TSPAN12: variants seen among roughly 807,000 people sequenced by gnomAD.
TSPAN12 encodes the protein tetraspanin 12, also known as tetraspanin-12.
A neutral mutation model predicts 39.2 loss-of-function variants in TSPAN12; 19 were observed. The observed-to-expected ratio is 0.49, with a 90% CI of 0.34 to 0.71. TSPAN12 has a LOEUF of 0.71. TSPAN12 is among the 30% of genes least tolerant of loss of function. TSPAN12 has a pLI of 0.01. For synonymous variants in TSPAN12, 119 were observed against 124.8 expected, an observed-to-expected ratio of 0.95 and a Z score of 0.31; for missense variants, 314 against 359.9, an observed-to-expected ratio of 0.87 and a Z score of 1.03.
intron 3 of TSPAN12, 32 bp downstream of exon 3, chr7:120,839,995 G>T: frequency 6.5e-7 from 1 of 1,549,034 alleles, no homozygotes; most frequent in Non-Finnish European, 8.9e-7. Context: ...AAATCAGCAA[G>T]AAAGAATTCA....
chr7:120,788,280 G>A lies in TSPAN12; in HGVS notation c.*312C>T, dbSNP rs988688739. On this transcript the variant is annotated 3_prime_UTR_variant, in exon 8 of 8. Transcript: ENST00000222747. ...CAGTCCCACCATATGTGACTCGTTT[G>A]CATGGATGCGGAAATGCTAATCAAA... 2 of 382,964 alleles carry A rather than the reference G, an allele frequency of 5.2e-6. No individual in the cohort carries two copies. The highest frequency in any genetic ancestry group is 4.9e-6 in the Non-Finnish European group (1 of 205,630). 23.7% of individuals were successfully genotyped at this position (382,964 alleles called of 1,614,324 possible).
intron 4 of TSPAN12, among the ~76,000 whole-genome samples, chr7:120,819,570 C>T (rs1794150151): frequency 6.6e-6 from 1 of 152,116 alleles, no homozygotes; most frequent in Non-Finnish European, 1.5e-5. Context: ...GTTTCACCAA[C>T]ATTATAACAC....
intron 7 of TSPAN12, among the ~76,000 whole-genome samples, chr7:120,799,428 TATTTATATATAATTTA>T (rs996646439): frequency 7.2e-6 from 1 of 139,286 alleles, no homozygotes; most frequent in African/African-American, 2.6e-5. Flanking sequence ...ATATTTAATT[TATTTATATATAATTTA>T]ATTTATATAT....
intron 2 of TSPAN12, 71 bp downstream of exon 2, chr7:120,856,627 C>T: frequency 2.7e-6 from 4 of 1,463,968 alleles, no homozygotes; most frequent in Non-Finnish European, 3.8e-6. Flanking sequence ...TGCCCTTTGG[C>T]GCATTATCCG....
At chr7:120,836,404 A>C (rs541295925) in intron 4 of TSPAN12, among the ~76,000 whole-genome samples, 19 of 152,342 alleles carry the variant, frequency 1.2e-4, no homozygotes, top group Non-Finnish European at 2.4e-4. Context: ...AGGAACCAAG[A>C]TGTAGATGTC....
chr7:120,816,479 C>G (rs1020334355), intron 4 of TSPAN12, among the ~76,000 whole-genome samples: 1 of 151,572 alleles, frequency 6.6e-6, no homozygotes, highest in African/African-American at 2.4e-5. Context: ...AGGATTGGAA[C>G]AAAGAAGAGA....
rs1490815861 is a variant in TSPAN12, at chr7:120,815,747, T to C, written c.342A>G (p.Thr114=). Residue 114 remains threonine (T), a synonymous_variant, in exon 5 of 8, where the codon ACA becomes ACG. Transcript: ENST00000222747. ...FCVELACGVW[T]YEQELMVPVQ... ...AACTCACCATAAGTTCCTGTTCATATGTCCAAACGCCACAAGCCAGTTCTA... is the reference window on the plus strand; with the variant it reads ...AACTCACCATAAGTTCCTGTTCATACGTCCAAACGCCACAAGCCAGTTCTA... The C allele has an allele frequency of 6.2e-7, 1 of 1,612,674 alleles. No individual in the cohort carries two copies. The highest frequency in any genetic ancestry group is 1.1e-5 in the South Asian group (1 of 90,950).
intron 7 of TSPAN12, among the ~76,000 whole-genome samples, chr7:120,794,909 C>A (rs1246674443): frequency 1.3e-5 from 2 of 152,112 alleles, no homozygotes; most frequent in African/African-American, 2.4e-5. Context: ...CTGAACATAA[C>A]CCTGAGCATA....
intron 4 of TSPAN12, among the ~76,000 whole-genome samples, chr7:120,817,653 T>C (rs1794110333): frequency 6.6e-6 from 1 of 152,288 alleles, no homozygotes; most frequent in African/African-American, 2.4e-5. Context: ...TGTGTTCCTG[T>C]GTCATACCTT....
chr7:120,833,493 G>A (rs1039742069), intron 4 of TSPAN12, among the ~76,000 whole-genome samples: 4 of 151,900 alleles, frequency 2.6e-5, no homozygotes, highest in African/African-American at 9.7e-5. Context: ...TTCAGATCTG[G>A]TTCAATCACT....
intron 4 of TSPAN12, among the ~76,000 whole-genome samples, chr7:120,816,994 T>C (rs1458555038): frequency 6.6e-6 from 1 of 152,114 alleles, no homozygotes. Context: ...CCAAAGCAGA[T>C]AAATTGTCAG....
chr7:120,824,966 C>T (rs547484676), intron 4 of TSPAN12, among the ~76,000 whole-genome samples: 7 of 152,248 alleles, frequency 4.6e-5, no homozygotes, highest in African/African-American at 1.4e-4. Flanking sequence ...ACCCTCATTC[C>T]TTTCAACTTT....
At chr7:120,840,674 T>C (rs1051222218) in intron 2 of TSPAN12, among the ~76,000 whole-genome samples, 3 of 152,212 alleles carry the variant, frequency 2.0e-5, no homozygotes, top group African/African-American at 7.2e-5. Flanking sequence ...AACAAAATTC[T>C]CTGGTCTTTG....
At chr7:120,846,722 G>A (rs1018844736) in intron 2 of TSPAN12, among the ~76,000 whole-genome samples, 1 of 152,176 alleles carries the variant, frequency 6.6e-6, no homozygotes, top group South Asian at 2.1e-4. Flanking sequence ...ACTAAGTGAA[G>A]AGGACACAGG....
At chr7:120,844,394 A>T (rs1202325872) in intron 2 of TSPAN12, among the ~76,000 whole-genome samples, 1 of 152,196 alleles carries the variant, frequency 6.6e-6, no homozygotes, top group Admixed American at 6.5e-5. Flanking sequence ...TTAACTCAAA[A>T]GTCCACAGTC....
chr7:120,829,953 A>T (rs2116434587), intron 4 of TSPAN12, among the ~76,000 whole-genome samples: 1 of 152,124 alleles, frequency 6.6e-6, no homozygotes, highest in African/African-American at 2.4e-5. Context: ...TCTCATAAAG[A>T]CCCAACACTA....
At chr7:120,804,440 A>T (rs1158584329) in intron 7 of TSPAN12, among the ~76,000 whole-genome samples, 1 of 152,176 alleles carries the variant, frequency 6.6e-6, no homozygotes, top group Non-Finnish European at 1.5e-5. Flanking sequence ...TCACTGAAGA[A>T]CCTACAGACA....
intron 4 of TSPAN12, among the ~76,000 whole-genome samples, chr7:120,834,357 A>G (rs1794439639): frequency 6.6e-6 from 1 of 152,178 alleles, no homozygotes; most frequent in Non-Finnish European, 1.5e-5. Flanking sequence ...TAAATCTATC[A>G]TTCAAAAGAA....
At chr7:120,820,347 G>A (rs751047006) in intron 4 of TSPAN12, among the ~76,000 whole-genome samples, 36 of 152,176 alleles carry the variant, frequency 2.4e-4, no homozygotes, top group Admixed American at 1.2e-3. Flanking sequence ...TGCCATCAAC[G>A]TAGATTTGAT....
Sources: gnomAD v4.1 joint callset for allele counts (sites outside exome capture counted in the v4.1 genomes callset) on GRCh38, gnomAD v4.1.1 for gene constraint, MANE v1.5 for transcripts, NCBI Gene and HGNC (gene_info 2026-07-23, HGNC 2026-07-21) for gene names.